BTK: variants seen among roughly 807,000 people sequenced by gnomAD.
The protein encoded by BTK is Bruton tyrosine kinase, also known as tyrosine-protein kinase BTK.
In BTK, 5 loss-of-function variants were observed where a neutral mutation model predicts 57.4. The ratio of observed to expected loss-of-function variants is 0.09; its 90% CI spans 0.05 to 0.18. The LOEUF (loss-of-function observed/expected upper bound fraction) is 0.18. BTK is among the 10% of genes least tolerant of loss of function. The pLI is 1.00. For synonymous variants in BTK, 154 were observed against 174.3 expected (o/e 0.88, Z 0.92); for missense variants, 194 against 501.2 (o/e 0.39, Z 5.85).
chrX:101,374,685 C>A (rs1221002796), intron 2 of BTK, 51 bp from the exon 3 acceptor site: 5 of 1,013,845 alleles, frequency 4.9e-6, no homozygotes, highest in Non-Finnish European at 7.0e-6. Flanking sequence ...AGGGATTAAG[C>A]AACCAGATGA....
chrX:101,388,918 C>T (rs1032299211), upstream of BTK, among the ~76,000 whole-genome samples: 8 of 111,287 alleles, frequency 7.2e-5, no homozygotes, highest in African/African-American at 2.6e-4. Flanking sequence ...CTGAGTGCCT[C>T]GTCTTAGGGG....
At chrX:101,351,188 G>T (rs1423468267) in intron 18 of BTK, among the ~76,000 whole-genome samples, 1 of 111,292 alleles carries the variant, frequency 9.0e-6, no homozygotes, top group Non-Finnish European at 1.9e-5. Flanking sequence ...TAGAGACAGG[G>T]TTTCACCATG....
intron 8 of BTK, 135 bp from the exon 9 acceptor site, chrX:101,360,285 A>G (rs1555978434): frequency 7.3e-6 from 4 of 551,683 alleles, no homozygotes; most frequent in Non-Finnish European, 1.3e-5. Flanking sequence ...CTCAAAGACA[A>G]TCATGTCTCT....
At chrX:101,376,663 T>G (rs1927224737) in intron 1 of BTK, among the ~76,000 whole-genome samples, 1 of 105,658 alleles carries the variant, frequency 9.5e-6, no homozygotes, top group Non-Finnish European at 1.9e-5. Context: ...AAAAAAACAC[T>G]AAGTAAGTAA....
chrX:101,372,947 G>A (rs1260402215), intron 3 of BTK, among the ~76,000 whole-genome samples: 2 of 107,279 alleles, frequency 1.9e-5, no homozygotes, highest in African/African-American at 6.8e-5. Context: ...AGCAGGGTGT[G>A]GTGGTGGGCG....
At chrX:101,360,035 TAGAG>T (rs200761404) in intron 9 of BTK, 49 bp downstream of exon 9, 1 of 508,164 alleles carries the variant, frequency 2.0e-6, no homozygotes, top group Non-Finnish European at 3.3e-6. Context: ...TATATATATA[TAGAG>T]AGAGAGAGTT....
intron 5 of BTK, chrX:101,362,960 A>G: frequency 2.6e-6 from 1 of 391,296 alleles, no homozygotes; most frequent in Non-Finnish European, 4.5e-6. Context: ...ATGGCTTGAG[A>G]GCCCAACAAC....
Position 101,356,133 on chromosome X carries a change from A to G in BTK, c.1485T>C (p.Thr495=), listed in dbSNP as rs561853537. The G allele has an allele frequency of 3.1e-5, 37 of 1,209,271 alleles. No homozygotes were observed. In the South Asian group the frequency reaches 6.0e-4, roughly 20 times the overall value. Residue 495 remains threonine (T), a synonymous_variant, in exon 15 of 19, where the codon ACT becomes ACC. Transcript: ENST00000308731. ...YLREMRHRFQ[T]QQLLEMCKDV... is the part of the protein sequence containing the mutation. ...CCTTGCACATCTCTAGCAGCTGCTG[A>G]GTCTGGAAGCGGTGGCGCATCTCCC...
chrX:101,371,955 A>G (rs1319919187), intron 3 of BTK, among the ~76,000 whole-genome samples: 2 of 112,204 alleles, frequency 1.8e-5, no homozygotes, highest in Admixed American at 1.9e-4. Context: ...TGTTGGGACA[A>G]ATATTTAACC....
chrX:101,369,176 A>G (rs1413354983), intron 5 of BTK, among the ~76,000 whole-genome samples: 2 of 112,372 alleles, frequency 1.8e-5, no homozygotes, highest in Non-Finnish European at 3.8e-5. Context: ...AGGAATATGA[A>G]ATATTTCCTT....
chrX:101,383,452 A>G (rs3027606), intron 1 of BTK, among the ~76,000 whole-genome samples: 1,573 of 111,774 alleles, frequency 0.014, 31 homozygotes, highest in African/African-American at 0.048. Flanking sequence ...AAATAGTTTT[A>G]GAGAGCCCCC....
intron 16 of BTK, 155 bp from the exon 17 acceptor site, chrX:101,354,143 C>T (rs1431059771): frequency 1.6e-5 from 8 of 485,033 alleles, no homozygotes; most frequent in Admixed American, 3.2e-5. Context: ...TTACTTTTAA[C>T]GAATTTCCTG....
chrX:101,364,269 C>A (rs1212948113), intron 5 of BTK, among the ~76,000 whole-genome samples: 1 of 107,759 alleles, frequency 9.3e-6, no homozygotes, highest in East Asian at 2.9e-4. Flanking sequence ...ATTAGCTGGG[C>A]ATGGTGGCAT....
In BTK at chrX:101,350,726, C is replaced by T. The variant is rs183140960; in HGVS notation, c.1909-770G>A. Among the ~76,000 whole-genome samples the T allele has an allele frequency of 2.1e-3, 230 of 111,339 alleles. 2 individuals are homozygous for T. Among genetic ancestry groups the T allele is most frequent in the African/African-American group, 7.1e-3 (217 of 30,644 alleles). On this transcript the variant is annotated intron_variant, in intron 18 of 18. Coordinates refer to ENST00000308731, the MANE Select transcript of BTK (RefSeq NM_000061.3). ...CCTCCCAAAGTGCTGGGATTACAGG[C>T]GTGAGCCACCGCGCCCGGCCTACGA...
At chrX:101,361,504 G>C (rs1468933775) in intron 7 of BTK, among the ~76,000 whole-genome samples, 5 of 80,315 alleles carry the variant, frequency 6.2e-5, no homozygotes. Context: ...TAGCCCTCAA[G>C]AAGGAACCAA....
At chrX:101,359,804 G>T (rs1835587817) in intron 9 of BTK, among the ~76,000 whole-genome samples, 1 of 107,693 alleles carries the variant, frequency 9.3e-6, no homozygotes, top group African/African-American at 3.4e-5. Context: ...TGAGGTGGTG[G>T]CATCATTTGA....
chrX:101,368,165 T>A (rs1234351830), intron 5 of BTK, among the ~76,000 whole-genome samples: 1 of 111,921 alleles, frequency 8.9e-6, no homozygotes, highest in Non-Finnish European at 1.9e-5. Context: ...ACAAGATAAC[T>A]GCCTCATATG....
At chrX:101,381,700 T>C (rs1436424782) in intron 1 of BTK, among the ~76,000 whole-genome samples, 2 of 111,780 alleles carry the variant, frequency 1.8e-5, no homozygotes, top group Non-Finnish European at 3.8e-5. Flanking sequence ...GATGTAAATA[T>C]CTATAAAAGA....
chrX:101,352,056 G>A (rs1438842117), intron 18 of BTK, among the ~76,000 whole-genome samples: 5 of 108,302 alleles, frequency 4.6e-5, no homozygotes, highest in African/African-American at 1.4e-4. Flanking sequence ...CCAGCTACTC[G>A]AGAGGCTGAG....
Sources: allele counts gnomAD v4.1 joint callset (sites outside exome capture counted in the v4.1 genomes callset), GRCh38; gene constraint gnomAD v4.1.1; transcripts MANE v1.5; gene names NCBI Gene and HGNC (gene_info 2026-07-23, HGNC 2026-07-21).